The following PRKCE variants were observed in gnomAD, a reference collection of about 807,000 sequenced individuals.
PRKCE encodes protein kinase C epsilon.
Under a neutral mutation model 85.4 loss-of-function variants are expected in PRKCE, and 16 were observed. That is an observed-to-expected ratio of 0.19 (90% CI 0.13 to 0.28). The LOEUF (loss-of-function observed/expected upper bound fraction) is 0.28. PRKCE is among the 10% of genes least tolerant of loss of function. The pLI is 1.00. For synonymous variants in PRKCE, 388 were observed against 371.5 expected (o/e 1.04, Z -0.51); for missense variants, 573 against 975.2 (o/e 0.59, Z 5.49).
intron 1 of PRKCE, among the ~76,000 whole-genome samples, chr2:45,731,617 A>ATTT (rs11329717): frequency 2.6e-4 from 28 of 108,572 alleles, no homozygotes; most frequent in Non-Finnish European, 3.0e-4. Context: ...AATTCCTGGA[A>ATTT]TTTTTTTTTT....
intron 2 of PRKCE, among the ~76,000 whole-genome samples, chr2:45,894,483 T>G (rs1204017682): frequency 6.6e-6 from 1 of 151,320 alleles, no homozygotes; most frequent in Non-Finnish European, 1.5e-5. Context: ...GAAGAATCTC[T>G]TAAGATGACA....
intron 11 of PRKCE, among the ~76,000 whole-genome samples, chr2:46,111,704 A>G (rs1340617414): frequency 6.6e-6 from 1 of 152,216 alleles, no homozygotes; most frequent in African/African-American, 2.4e-5. Context: ...TTGTTTGGAT[A>G]TACCACATTT....
intron 10 of PRKCE, among the ~76,000 whole-genome samples, chr2:46,067,672 T>C (rs12712962): frequency 0.53 from 79,964 of 152,128 alleles, 22,165 homozygotes; most frequent in African/African-American, 0.71. Flanking sequence ...ATGCTCACAA[T>C]GTATCTGCTG....
intron 1 of PRKCE, among the ~76,000 whole-genome samples, chr2:45,832,633 A>T (rs1237064098): frequency 2.6e-5 from 4 of 152,146 alleles, no homozygotes; most frequent in Non-Finnish European, 5.9e-5. Flanking sequence ...TTTATCATTC[A>T]TGCAGTATGG....
rs771538481 is a variant in PRKCE, at chr2:46,151,066, C to T, written c.1757C>T (p.Pro586Leu). Residue 586 changes from proline to leucine, a missense_variant, in exon 13 of 15, where the codon CCC (proline) becomes CTC (leucine). Pro to Leu is a moderately conservative substitution (Grantham distance 98, BLOSUM62 -3). Transcript: ENST00000306156. ...PEILQELEYG[P>L]SVDWWALGVL... ...ATCCTGCAGGAGTTGGAGTATGGCC[C>T]CTCCGTGGACTGGTGGGCCCTGGGG... 5.0e-6 allele frequency: 8 copies of T among 1,599,140 alleles called. No homozygotes were observed. The highest frequency in any genetic ancestry group is 6.8e-6 in the Non-Finnish European group (8 of 1,179,764).
intron 1 of PRKCE, among the ~76,000 whole-genome samples, chr2:45,750,214 A>G (rs900521305): frequency 1.3e-5 from 2 of 152,188 alleles, no homozygotes; most frequent in African/African-American, 4.8e-5. Context: ...AACCATCACT[A>G]CTATCTATTG....
intron 2 of PRKCE, among the ~76,000 whole-genome samples, chr2:45,881,257 A>C (rs1355969098): frequency 6.6e-6 from 1 of 152,092 alleles, no homozygotes; most frequent in Non-Finnish European, 1.5e-5. Context: ...CTGTCTGGAG[A>C]AGCAGAGCCA....
At chr2:45,929,351 C>T (rs1021680463) in intron 2 of PRKCE, among the ~76,000 whole-genome samples, 2 of 152,222 alleles carry the variant, frequency 1.3e-5, no homozygotes, top group Non-Finnish European at 2.9e-5. Context: ...TTCCTCCCGG[C>T]GGAAGATGCC....
At chr2:45,850,765 C>G (rs1692182491) in intron 2 of PRKCE, among the ~76,000 whole-genome samples, 1 of 152,104 alleles carries the variant, frequency 6.6e-6, no homozygotes, top group African/African-American at 2.4e-5. Context: ...CTCATAGGGG[C>G]CAGTGTAGGG....
rs1201589052 is a variant in PRKCE, at chr2:45,993,052, A to G, written c.824-8352A>G. ...CCAGTGAAAGTGAGCACTGAGAGGC[A>G]TTCTGGAAAGAGAAGCCTTAAAGGG... On this transcript the variant is annotated intron_variant, in intron 6 of 14. Coordinates refer to ENST00000306156, the MANE Select transcript of PRKCE (RefSeq NM_005400.3). Among the ~76,000 whole-genome samples the G allele has an allele frequency of 2.7e-5, 4 of 149,342 alleles. No individual in the cohort carries two copies. In the East Asian group the frequency reaches 6.1e-4, roughly 23 times the overall value.
At chr2:46,146,105 T>G (rs1676045150) in intron 12 of PRKCE, among the ~76,000 whole-genome samples, 1 of 152,242 alleles carries the variant, frequency 6.6e-6, no homozygotes, top group East Asian at 1.9e-4. Context: ...ATAGGTTGCC[T>G]TTCCTGAAAG....
In PRKCE at chr2:46,024,029, T is replaced by C. The variant is rs138868186; in HGVS notation, c.1437+13512T>C. ...CAGCTGGAAGCGGCAGAGCCTAAAT[T>C]CAAACCTGGTTAGCTAGCTTCTATT... is the stretch of plus-strand genomic sequence containing the variant. On this transcript the variant is annotated intron_variant, in intron 10 of 14. Coordinates refer to ENST00000306156, the MANE Select transcript of PRKCE (RefSeq NM_005400.3). Among the ~76,000 whole-genome samples, 3 of 152,280 alleles carry C rather than the reference T, an allele frequency of 2.0e-5. No individual in the cohort carries two copies. In the East Asian group the frequency reaches 5.8e-4, roughly 29 times the overall value.
At chr2:45,995,583 A>C (rs1704147383) in intron 6 of PRKCE, among the ~76,000 whole-genome samples, 1 of 152,156 alleles carries the variant, frequency 6.6e-6, no homozygotes, top group Non-Finnish European at 1.5e-5. Context: ...TTTTTCTAGC[A>C]CCATTTGTTG....
At chr2:45,829,448 T>C (rs538731359) in intron 1 of PRKCE, among the ~76,000 whole-genome samples, 1 of 152,238 alleles carries the variant, frequency 6.6e-6, no homozygotes, top group African/African-American at 2.4e-5. Context: ...CCATATAAAT[T>C]ACAGAAAAGG....
chr2:45,719,180 TC>T (rs1212356741), intron 1 of PRKCE, among the ~76,000 whole-genome samples: 1 of 152,228 alleles, frequency 6.6e-6, no homozygotes, highest in Admixed American at 6.5e-5. Context: ...CTTGGGGACT[TC>T]CCTCTTCTTT....
chr2:45,803,877 C>A (rs1047862902), intron 1 of PRKCE, among the ~76,000 whole-genome samples: 3 of 152,174 alleles, frequency 2.0e-5, no homozygotes, highest in Non-Finnish European at 1.5e-5. Context: ...ATGAAATAGT[C>A]TGTCTAAAGT....
At chr2:45,784,032 G>A (rs1004891012) in intron 1 of PRKCE, among the ~76,000 whole-genome samples, 4 of 152,216 alleles carry the variant, frequency 2.6e-5, no homozygotes, top group African/African-American at 9.6e-5. Context: ...CACTAGCATC[G>A]CTGTATCCAA....
At chr2:46,096,757 T>C (rs75828000) in intron 11 of PRKCE, among the ~76,000 whole-genome samples, 3,659 of 152,312 alleles carry the variant, frequency 0.024, 98 homozygotes, top group East Asian at 0.11. Context: ...AAACTAATAC[T>C]GAGAACCTCA....
At chr2:45,871,104 C>G (rs1053396319) in intron 2 of PRKCE, among the ~76,000 whole-genome samples, 4 of 152,206 alleles carry the variant, frequency 2.6e-5, no homozygotes, top group African/African-American at 9.7e-5. Context: ...CCAGGGTGTC[C>G]TAGTCCTTTC....
Sources: gnomAD v4.1 joint callset for allele counts (sites outside exome capture counted in the v4.1 genomes callset) on GRCh38, gnomAD v4.1.1 for gene constraint, MANE v1.5 for transcripts, NCBI Gene and HGNC (gene_info 2026-07-23, HGNC 2026-07-21) for gene names.